PTPRD: variants seen among roughly 807,000 people sequenced by gnomAD.
PTPRD encodes protein tyrosine phosphatase receptor type D.
PTPRD carries 34 observed loss-of-function variants against 214.5 expected under a neutral mutation model. That is an observed-to-expected ratio of 0.16 (90% CI 0.12 to 0.21). The LOEUF is 0.21. Among genes scored for constraint, PTPRD ranks in the 10% least tolerant of loss-of-function variants. PTPRD has a pLI of 1.00. For missense variants in PTPRD, 2,545 were observed against 2,398.7 expected (o/e 1.06, Z -1.27); for synonymous variants, 1,128 against 845.7 (o/e 1.33, Z -5.79).
chr9:9,752,982 C>T (rs2098536196), intron 6 of PTPRD, among the ~76,000 whole-genome samples: 1 of 152,076 alleles, frequency 6.6e-6, no homozygotes, highest in African/African-American at 2.4e-5. Context: ...TTGTTCTCTA[C>T]TTAACAACTA....
intron 11 of PTPRD, among the ~76,000 whole-genome samples, chr9:8,791,308 C>T (rs2096225008): frequency 1.3e-5 from 2 of 152,014 alleles, no homozygotes; most frequent in Admixed American, 1.3e-4. Flanking sequence ...TCACTGCAAA[C>T]TCCGCCTCCC....
intron 8 of PTPRD, among the ~76,000 whole-genome samples, chr9:9,419,748 C>T (rs2078106802): frequency 6.6e-6 from 1 of 151,550 alleles, no homozygotes; most frequent in Non-Finnish European, 1.5e-5. Flanking sequence ...TTATTGTGTT[C>T]ATTAACAGCA....
Position 9,400,532 on chromosome 9 carries a change from T to C in PTPRD, c.-236-3050A>G, listed in dbSNP as rs80232993. ...TACCTTTATCTAACCAAAAAAAAAG[T>C]TTTTTTTCAGTTCAATTATCTTTTC... On this transcript the variant is annotated intron_variant, in intron 8 of 45. Coordinates refer to ENST00000381196, the MANE Select transcript of PTPRD (RefSeq NM_002839.4). 7.2e-5 allele frequency among the ~76,000 whole-genome samples: 11 copies of C among 151,870 alleles called. No individual in the cohort carries two copies. The East Asian group carries it at 2.1e-3, about 29-fold the overall frequency.
intron 2 of PTPRD, among the ~76,000 whole-genome samples, chr9:10,591,535 T>A (rs2075441787): frequency 6.6e-6 from 1 of 151,902 alleles, no homozygotes; most frequent in South Asian, 2.1e-4. Context: ...AACTAGACCC[T>A]CCCATTAATG....
intron 9 of PTPRD, among the ~76,000 whole-genome samples, chr9:9,389,831 G>C (rs939248712): frequency 6.6e-6 from 1 of 152,124 alleles, no homozygotes; most frequent in African/African-American, 2.4e-5. Flanking sequence ...CAGAGCCTGG[G>C]GATACAGGAG....
chr9:8,634,343 A>C (rs1276891119), intron 13 of PTPRD, among the ~76,000 whole-genome samples: 1 of 151,982 alleles, frequency 6.6e-6, no homozygotes, highest in Non-Finnish European at 1.5e-5. Context: ...TTCACTGAGA[A>C]GTTGTGCCTT....
intron 7 of PTPRD, among the ~76,000 whole-genome samples, chr9:9,598,116 C>T (rs1490416052): frequency 6.6e-6 from 1 of 151,944 alleles, no homozygotes; most frequent in Non-Finnish European, 1.5e-5. Flanking sequence ...ATCCCCAACA[C>T]TCCTTCAAAA....
intron 5 of PTPRD, among the ~76,000 whole-genome samples, chr9:9,840,850 T>G (rs1394724796): frequency 2.6e-5 from 4 of 151,824 alleles, no homozygotes; most frequent in African/African-American, 9.7e-5. Context: ...ATGTATTTAT[T>G]TATATTTCTT....
chr9:8,641,624 ATT>A (rs2096578426), intron 12 of PTPRD, among the ~76,000 whole-genome samples: 1 of 151,846 alleles, frequency 6.6e-6, no homozygotes, highest in African/African-American at 2.4e-5. Context: ...CATGGCCGAT[ATT>A]CTAGAATGTG....
chr9:8,791,523 CTTT>C (rs34501354), intron 11 of PTPRD, among the ~76,000 whole-genome samples: 8 of 86,688 alleles, frequency 9.2e-5, no homozygotes, highest in Non-Finnish European at 1.3e-4. Context: ...CATGCCCAGA[CTTT>C]TTTTTTTTTT....
At chr9:9,243,178 C>T (rs1034375904) in intron 9 of PTPRD, among the ~76,000 whole-genome samples, 1 of 151,974 alleles carries the variant, frequency 6.6e-6, no homozygotes, top group African/African-American at 2.4e-5. Flanking sequence ...CAGTCCAGGC[C>T]CAGATGGATT....
intron 42 of PTPRD, among the ~76,000 whole-genome samples, chr9:8,339,589 A>T (rs1272003293): frequency 2.0e-5 from 3 of 152,124 alleles, no homozygotes; most frequent in African/African-American, 7.2e-5. Context: ...AAATCAGAGT[A>T]AGTCAGTTAC....
At chr9:10,140,867 C>A (rs1286999931) in intron 3 of PTPRD, among the ~76,000 whole-genome samples, 1 of 151,508 alleles carries the variant, frequency 6.6e-6, no homozygotes, top group African/African-American at 2.4e-5. Flanking sequence ...ACTGGCAAAC[C>A]GAATCCAGCA....
intron 2 of PTPRD, among the ~76,000 whole-genome samples, chr9:10,376,809 T>A (rs745883590): frequency 3.3e-5 from 5 of 151,958 alleles, no homozygotes; most frequent in Non-Finnish European, 5.9e-5. Flanking sequence ...ATGAGGTACA[T>A]GAGATGTTTT....
At chr9:9,427,034 C>T (rs11792540) in intron 8 of PTPRD, among the ~76,000 whole-genome samples, 9,818 of 152,216 alleles carry the variant, frequency 0.065, 353 homozygotes, top group Middle Eastern at 0.17. Context: ...TCCTCGCCAG[C>T]AATGGAACAA....
intron 11 of PTPRD, among the ~76,000 whole-genome samples, chr9:8,885,161 C>T (rs996564759): frequency 1.3e-5 from 2 of 152,122 alleles, no homozygotes; most frequent in Non-Finnish European, 2.9e-5. Flanking sequence ...TAATAGTTCC[C>T]ATTTGGAGAC....
At chr9:10,171,079 C>G (rs1403514147) in intron 3 of PTPRD, among the ~76,000 whole-genome samples, 1 of 152,148 alleles carries the variant, frequency 6.6e-6, no homozygotes, top group Non-Finnish European at 1.5e-5. Flanking sequence ...ACAAATGCCC[C>G]AAACAGCAAC....
intron 44 of PTPRD, among the ~76,000 whole-genome samples, chr9:8,323,310 C>G (rs528585564): frequency 6.6e-6 from 1 of 152,046 alleles, no homozygotes; most frequent in Non-Finnish European, 1.5e-5. Context: ...ATTCTGCAGC[C>G]CAATGGATCA....
intron 4 of PTPRD, among the ~76,000 whole-genome samples, chr9:9,956,917 G>A (rs1300544535): frequency 6.6e-6 from 1 of 152,050 alleles, no homozygotes; most frequent in Non-Finnish European, 1.5e-5. Context: ...AAGAAAAGAT[G>A]ATGTTTATGT....
Sources: gnomAD v4.1 joint callset for allele counts (sites outside exome capture counted in the v4.1 genomes callset) on GRCh38, gnomAD v4.1.1 for gene constraint, MANE v1.5 for transcripts, NCBI Gene and HGNC (gene_info 2026-07-23, HGNC 2026-07-21) for gene names.